The following MGAT4A variants were observed in gnomAD, a reference collection of about 807,000 sequenced individuals.
MGAT4A encodes the protein N-acetylglucosaminyltransferase IVa.
MGAT4A carries 33 observed loss-of-function variants against 74.1 expected under a neutral mutation model. The ratio of observed to expected loss-of-function variants is 0.45; its 90% CI spans 0.34 to 0.60. The LOEUF (loss-of-function observed/expected upper bound fraction) is 0.60. MGAT4A is among the 20% of genes least tolerant of loss of function. The pLI, the probability that MGAT4A is intolerant of heterozygous loss-of-function variation, is 0.02. For missense variants in MGAT4A, 479 were observed against 628.3 expected (o/e 0.76, Z 2.54); for synonymous variants, 198 against 210.4 (o/e 0.94, Z 0.51).
At chr2:98,718,916 G>A (rs1193332502) in intron 2 of MGAT4A, among the ~76,000 whole-genome samples, 1 of 152,172 alleles carries the variant, frequency 6.6e-6, no homozygotes, top group Non-Finnish European at 1.5e-5. Context: ...AGCCCCTAGA[G>A]TGGGGCTGCC....
intron 2 of MGAT4A, among the ~76,000 whole-genome samples, chr2:98,680,748 A>G (rs1303276307): frequency 6.6e-6 from 1 of 152,236 alleles, no homozygotes; most frequent in Admixed American, 6.5e-5. Flanking sequence ...AATTCACAAT[A>G]TAAGAAATGT....
chr2:98,682,227 A>G (rs1702069721), intron 2 of MGAT4A, among the ~76,000 whole-genome samples: 1 of 152,102 alleles, frequency 6.6e-6, no homozygotes, highest in Non-Finnish European at 1.5e-5. Context: ...ATTCAAGACC[A>G]GCCTGACCAA....
At chr2:98,682,422 CAAAAAAAAAA>C (rs1013377462) in intron 2 of MGAT4A, among the ~76,000 whole-genome samples, 10 of 36,456 alleles carry the variant, frequency 2.7e-4, no homozygotes, top group Non-Finnish European at 3.8e-4. Flanking sequence ...AATTCCATCT[CAAAAAAAAAA>C]AAAAAAAAAA....
rs982014267 is a variant in MGAT4A at position 98,619,798 on chromosome 2, C to T, written c.*5768G>A. ...GCTAATTACTAATACAATGAAACAA[C>T]TAGGAGCAAGTGACACATAAAATAG... On this transcript the variant is annotated 3_prime_UTR_variant, in exon 16 of 16. Transcript: ENST00000393487. 1.3e-5 allele frequency: 2 copies of T among 152,196 alleles called. No individual in the cohort carries two copies. The highest frequency in any genetic ancestry group is 2.9e-5 in the Non-Finnish European group (2 of 68,034). The allele number at this position is 152,196 out of a possible 1,614,324, so 9.4% of individuals were successfully genotyped here. A position where few individuals can be genotyped will look rare whatever the true frequency, so the allele number is the denominator to read the frequency against.
intron 1 of MGAT4A, among the ~76,000 whole-genome samples, chr2:98,729,296 A>G (rs1702809767): frequency 6.6e-6 from 1 of 152,252 alleles, no homozygotes; most frequent in East Asian, 1.9e-4. Flanking sequence ...GAATGTAGTC[A>G]TACATTTTTA....
At chr2:98,720,567 T>C (rs1702654394) in intron 2 of MGAT4A, among the ~76,000 whole-genome samples, 1 of 152,192 alleles carries the variant, frequency 6.6e-6, no homozygotes, top group African/African-American at 2.4e-5. Context: ...TCAGCCTCCA[T>C]AATCACATGT....
At chr2:98,725,656 AT>A (rs1373113555) in intron 2 of MGAT4A, among the ~76,000 whole-genome samples, 2 of 152,110 alleles carry the variant, frequency 1.3e-5, no homozygotes, top group Non-Finnish European at 2.9e-5. Flanking sequence ...TTATCCTAAA[AT>A]TATATAAACA....
intron 6 of MGAT4A, among the ~76,000 whole-genome samples, chr2:98,657,672 A>T (rs1213139662): frequency 1.3e-5 from 2 of 152,232 alleles, no homozygotes; most frequent in Non-Finnish European, 2.9e-5. Flanking sequence ...AGAAATTCAT[A>T]GCAAGACTAA....
intron 5 of MGAT4A, among the ~76,000 whole-genome samples, chr2:98,658,752 A>G (rs2063780): frequency 0.43 from 65,959 of 152,072 alleles, 14,858 homozygotes; most frequent in South Asian, 0.54. Flanking sequence ...ACTATGTAAT[A>G]AAAAACTGCT....
At chr2:98,669,677 GACCATGCTTATGGT>G (rs1701886676) in intron 4 of MGAT4A, among the ~76,000 whole-genome samples, 1 of 152,204 alleles carries the variant, frequency 6.6e-6, no homozygotes, top group Non-Finnish European at 1.5e-5. Flanking sequence ...AATTAAGAGT[GACCATGCTTATGGT>G]AATTTGCAAA....
At chr2:98,700,398 A>G (rs957847424) in intron 2 of MGAT4A, among the ~76,000 whole-genome samples, 3 of 149,482 alleles carry the variant, frequency 2.0e-5, no homozygotes, top group Non-Finnish European at 4.4e-5. Flanking sequence ...TATATACTCT[A>G]TATTATATTA....
At chr2:98,700,847 C>T (rs1051475799) in intron 2 of MGAT4A, among the ~76,000 whole-genome samples, 2 of 149,846 alleles carry the variant, frequency 1.3e-5, no homozygotes, top group Non-Finnish European at 3.0e-5. Context: ...GCCGAGATCG[C>T]GCCACTACAC....
intron 2 of MGAT4A, among the ~76,000 whole-genome samples, chr2:98,704,888 G>T (rs1049177215): frequency 2.6e-5 from 4 of 152,076 alleles, no homozygotes; most frequent in Non-Finnish European, 5.9e-5. Context: ...GACCAATAAG[G>T]TCAATGTTCA....
chr2:98,695,811 GT>G (rs1309611406), intron 2 of MGAT4A, among the ~76,000 whole-genome samples: 1 of 150,616 alleles, frequency 6.6e-6, no homozygotes, highest in Non-Finnish European at 1.5e-5. Flanking sequence ...AAGTGACTGT[GT>G]TTTGTATTAC....
At chr2:98,642,618 G>A (rs1054765815) in intron 10 of MGAT4A, among the ~76,000 whole-genome samples, 7 of 152,146 alleles carry the variant, frequency 4.6e-5, no homozygotes, top group East Asian at 1.9e-4. Flanking sequence ...TGCACAGGAC[G>A]AATGGAATGC....
chr2:98,675,026 T>C lies in MGAT4A; in HGVS notation c.403+9A>G. 6.2e-7 allele frequency: 1 copy of C among 1,607,316 alleles called. No individual in the cohort carries two copies. Among genetic ancestry groups the C allele is most frequent in the Non-Finnish European group, 8.5e-7 (1 of 1,178,426 alleles). On this transcript the variant is annotated intron_variant, in intron 4 of 15. Coordinates refer to ENST00000393487, the MANE Select transcript of MGAT4A (RefSeq NM_012214.3). ...AGTACAACTGCAGTAAGAAACAAAATAAACATACCTCCTGTTCTTCCGTTG... is the reference window on the plus strand; with the variant it reads ...AGTACAACTGCAGTAAGAAACAAAACAAACATACCTCCTGTTCTTCCGTTG...
chr2:98,678,280 T>TA (rs1427119310), intron 3 of MGAT4A, 24 bp downstream of exon 3: 12 of 936,424 alleles, frequency 1.3e-5, no homozygotes, highest in Non-Finnish European at 1.7e-5. Context: ...AATCTTTTTA[T>TA]AATATAAAAA....
chr2:98,727,650 A>G (rs1053232855), intron 1 of MGAT4A, among the ~76,000 whole-genome samples: 3 of 152,218 alleles, frequency 2.0e-5, no homozygotes, highest in Non-Finnish European at 4.4e-5. Context: ...AATGGCCAGC[A>G]GTTCCAAGGG....
At position 98,645,560 on chromosome 2, in the gene MGAT4A, ATCATAT is replaced by A; in HGVS notation, c.775-24_775-19del. 6.7e-7 allele frequency: 1 copy of A among 1,496,862 alleles called. No homozygotes were observed. The highest frequency in any genetic ancestry group is 9.0e-7 in the Non-Finnish European group (1 of 1,110,132). The allele number at this position is 1,496,862 out of a possible 1,614,324, so 92.7% of individuals were successfully genotyped here. On this transcript the variant is annotated intron_variant, in intron 8 of 15. Transcript: ENST00000393487. ...TCTTCAAGCTAGAGAAAATTGAACA[ATCATAT>A]TAATACATCAAAAAAAGAAAGGTAT...
Sources: gnomAD v4.1 joint callset for allele counts (sites outside exome capture counted in the v4.1 genomes callset) on GRCh38, gnomAD v4.1.1 for gene constraint, MANE v1.5 for transcripts, NCBI Gene and HGNC (gene_info 2026-07-23, HGNC 2026-07-21) for gene names.